ATP6V1E2: variants seen among roughly 807,000 people sequenced by gnomAD.
ATP6V1E2 encodes V-type proton ATPase subunit E 2.
For missense variants in ATP6V1E2, 308 were observed against 273.3 expected, an observed-to-expected ratio of 1.13 and a Z score of -0.90; for synonymous variants, 121 against 104.2, an observed-to-expected ratio of 1.16 and a Z score of -0.98.
chr2:46,528,611 T>C (rs1211054120), intron 4 of ATP6V1E2, among the ~76,000 whole-genome samples: 1 of 152,218 alleles, frequency 6.6e-6, no homozygotes, highest in Admixed American at 6.5e-5. Context: ...TCCCTCTGCC[T>C]TGGAGGCTCC....
At chr2:46,522,731 T>C (rs1055700581) in intron 4 of ATP6V1E2, among the ~76,000 whole-genome samples, 1 of 152,228 alleles carries the variant, frequency 6.6e-6, no homozygotes, top group Non-Finnish European at 1.5e-5. Flanking sequence ...AGTAGAATGA[T>C]TTATAATCTT....
At chr2:46,520,365 T>C (rs1382640567) in intron 4 of ATP6V1E2, among the ~76,000 whole-genome samples, 1 of 152,238 alleles carries the variant, frequency 6.6e-6, no homozygotes, top group African/African-American at 2.4e-5. Context: ...GAAACGCACA[T>C]GCCTGTCCTT....
intron 4 of ATP6V1E2, among the ~76,000 whole-genome samples, chr2:46,518,704 C>T (rs1250078830): frequency 6.6e-6 from 1 of 150,828 alleles, no homozygotes; most frequent in African/African-American, 2.4e-5. Flanking sequence ...AAAAAACCTG[C>T]ATTTTGTAAC....
intron 4 of ATP6V1E2, among the ~76,000 whole-genome samples, chr2:46,531,359 ACTT>A (rs1443848930): frequency 6.6e-6 from 1 of 152,224 alleles, no homozygotes; most frequent in Non-Finnish European, 1.5e-5. Context: ...AGCTGTCAGT[ACTT>A]CATTACTTTT....
rs1428904139 is a variant in ATP6V1E2 at position 46,512,829 on chromosome 2, G to A, written c.-101-17C>T. The A allele has an allele frequency of 5.9e-6, 5 of 843,804 alleles. No individual in the cohort carries two copies. The highest frequency in any genetic ancestry group is 9.0e-6 in the Non-Finnish European group (5 of 556,548). 52.3% of individuals were successfully genotyped at this position (843,804 alleles called of 1,614,324 possible). A position where few individuals can be genotyped will look rare whatever the true frequency, so the allele number is the denominator to read the frequency against. Reference sequence around the variant, plus strand: ...CTTTCTCAGCTATACCAGTGAACAAGAGGATGAAAGAGAAAGTCAGAGGCT... The same window carrying A: ...CTTTCTCAGCTATACCAGTGAACAAAAGGATGAAAGAGAAAGTCAGAGGCT... On this transcript the variant is annotated splice_polypyrimidine_tract_variant and intron_variant, in intron 4 of 4. Coordinates refer to ENST00000522587, the MANE Select transcript of ATP6V1E2 (RefSeq NM_001318063.2).
chr2:46,541,246 C>G (rs1366143669), intron 2 of ATP6V1E2, 144 bp downstream of exon 2: 1 of 152,242 alleles, frequency 6.6e-6, no homozygotes, highest in Non-Finnish European at 1.5e-5. Flanking sequence ...CTGCCTTCCT[C>G]AACCTGTTAT....
intron 4 of ATP6V1E2, among the ~76,000 whole-genome samples, chr2:46,515,191 C>T (rs1049638265): frequency 6.6e-6 from 1 of 152,056 alleles, no homozygotes; most frequent in Non-Finnish European, 1.5e-5. Flanking sequence ...GTGTAAAGCT[C>T]ACTAGTAAAG....
chr2:46,528,105 G>T (rs142699519), intron 4 of ATP6V1E2: 1 of 152,202 alleles, frequency 6.6e-6, no homozygotes, highest in African/African-American at 2.4e-5. Context: ...ATTACAGGTG[G>T]TAAGGTTAAG....
intron 2 of ATP6V1E2, among the ~76,000 whole-genome samples, chr2:46,540,380 CT>C (rs1323079482): frequency 2.0e-4 from 29 of 148,124 alleles, no homozygotes; most frequent in African/African-American, 7.2e-4. Flanking sequence ...AAGATCATGC[CT>C]TTGCACTCCA....
rs1430492498 is a variant in ATP6V1E2 at position 46,542,227 on chromosome 2, TCTC to T, written c.-387_-385del. On this transcript the variant is annotated 5_prime_UTR_variant, in exon 1 of 5. Transcript: ENST00000522587. ...TTTTTTTTTTTTTACCCTTTTGGTCTCTCCTCCTTGATTTCTAGTTCCGTTGTG... is the reference window on the plus strand; with the variant it reads ...TTTTTTTTTTTTTACCCTTTTGGTCTCTCCTTGATTTCTAGTTCCGTTGTG... 6.0e-4 allele frequency: 90 copies of T among 150,020 alleles called. No homozygotes were observed. The highest frequency in any genetic ancestry group is 2.1e-3 in the African/African-American group (87 of 40,728). The allele number at this position is 150,020 out of a possible 1,614,324, so 9.3% of individuals were successfully genotyped here. A position where few individuals can be genotyped will look rare whatever the true frequency, so the allele number is the denominator to read the frequency against.
chr2:46,534,455 T>C (rs1191035952), intron 4 of ATP6V1E2: 1 of 152,214 alleles, frequency 6.6e-6, no homozygotes, highest in Non-Finnish European at 1.5e-5. Flanking sequence ...CCTTGTTTTA[T>C]TTTAATTTTT....
chr2:46,518,886 G>C (rs1012246137), intron 4 of ATP6V1E2: 1 of 151,530 alleles, frequency 6.6e-6, no homozygotes, highest in East Asian at 1.9e-4. Context: ...CATAGTACAA[G>C]GTCTAGGAAG....
chr2:46,526,901 G>C (rs554194179), intron 4 of ATP6V1E2, among the ~76,000 whole-genome samples: 2 of 152,278 alleles, frequency 1.3e-5, no homozygotes, highest in East Asian at 3.9e-4. Context: ...CCTAGAAGTA[G>C]AATTGCTGGA....
chr2:46,520,612 T>A lies in ATP6V1E2; in HGVS notation c.-101-7800A>T, dbSNP rs368888281. Among the ~76,000 whole-genome samples the A allele has an allele frequency of 2.0e-5, 3 of 152,228 alleles. No homozygotes were observed. In the East Asian group the frequency reaches 5.8e-4, roughly 29 times the overall value. On this transcript the variant is annotated intron_variant, in intron 4 of 4. Transcript: ENST00000522587. ...CACTTAATAAATCCTGCCCATATAT[T>A]CAGGCCCAGTTTAAGCCCCACCACT...
intron 4 of ATP6V1E2, among the ~76,000 whole-genome samples, chr2:46,531,454 C>G (rs1041222840): frequency 6.6e-6 from 1 of 152,170 alleles, no homozygotes; most frequent in Non-Finnish European, 1.5e-5. Context: ...CTGTCTTCAC[C>G]TTTTGGCTAC....
Position 46,530,101 on chromosome 2 carries a change from G to T in ATP6V1E2, c.-102+5712C>A, listed in dbSNP as rs1424825506. Among the ~76,000 whole-genome samples, 1 of 152,162 alleles carries T rather than the reference G, an allele frequency of 6.6e-6. No individual in the cohort carries two copies. Among genetic ancestry groups the T allele is most frequent in the Non-Finnish European group, 1.5e-5 (1 of 68,032 alleles). ...TGGAAATTCCCACCTTTAACTGAAG[G>T]TCTCAGGATCACTCAATTCAGGCCA... On this transcript the variant is annotated intron_variant, in intron 4 of 4. Transcript: ENST00000522587. The surrounding 1 kb of genome is among the most constrained non-coding windows in gnomAD (Gnocchi z 5.2).
chr2:46,512,554 A>T lies in ATP6V1E2; in HGVS notation c.158T>A (p.Ile53Asn). ...CTCCTTTTTCTCATAATACTCCATA[A>T]TCTTCAGTCGTTGGGTTTGCACGAG... The part of the protein sequence containing the change: ...GRLVQTQRLK[I>N]MEYYEKKEKQ... Residue 53 changes from isoleucine to asparagine, a missense_variant, in exon 5 of 5, where the codon ATT becomes AAT. Ile to Asn is a moderately radical substitution (Grantham distance 149). Transcript: ENST00000522587. The T allele has an allele frequency of 6.2e-7, 1 of 1,614,006 alleles. No individual in the cohort carries two copies. The highest frequency in any genetic ancestry group is 8.5e-7 in the Non-Finnish European group (1 of 1,180,006).
At chr2:46,541,926 G>A (rs1311220688) in intron 1 of ATP6V1E2, 1 of 152,280 alleles carries the variant, frequency 6.6e-6, no homozygotes, top group Non-Finnish European at 1.5e-5. Flanking sequence ...ACCGAAAGGC[G>A]ACCTCGGAGA....
intron 4 of ATP6V1E2, among the ~76,000 whole-genome samples, chr2:46,520,324 G>A (rs1353543600): frequency 1.3e-5 from 2 of 152,230 alleles, no homozygotes; most frequent in Non-Finnish European, 2.9e-5. Context: ...CCTGTGACTT[G>A]AGCAAAACAA....
Sources: gnomAD v4.1 joint callset for allele counts (sites outside exome capture counted in the v4.1 genomes callset) on GRCh38, gnomAD v4.1.1 for gene constraint, Gnocchi (gnomAD v3.1) non-coding constraint, MANE v1.5 for transcripts, NCBI Gene and HGNC (gene_info 2026-07-23, HGNC 2026-07-21) for gene names.